The following HECW2 variants were observed in gnomAD, a reference collection of about 807,000 sequenced individuals.
The protein encoded by HECW2 is E3 ubiquitin-protein ligase HECW2.
HECW2 carries 61 observed loss-of-function variants against 175.2 expected under a neutral mutation model. The observed-to-expected ratio is 0.35, with a 90% CI of 0.28 to 0.43. The LOEUF (loss-of-function observed/expected upper bound fraction) is 0.43. HECW2 is among the 20% of genes least tolerant of loss of function. The probability of loss-of-function intolerance (pLI) is 1.00; values close to 1 mark genes in which losing one functional copy is unlikely to be tolerated. For synonymous variants in HECW2, 671 were observed against 731.0 expected (o/e 0.92, Z 1.32); for missense variants, 1,524 against 2,000.5 (o/e 0.76, Z 4.54).
intron 2 of HECW2, among the ~76,000 whole-genome samples, chr2:196,378,009 C>T (rs1315055603): frequency 6.6e-6 from 1 of 152,216 alleles, no homozygotes; most frequent in African/African-American, 2.4e-5. Flanking sequence ...ACTGTTAAAT[C>T]TGTGTTCAGA....
At chr2:196,276,125 A>G (rs185779187) in intron 15 of HECW2, among the ~76,000 whole-genome samples, 124 of 152,346 alleles carry the variant, frequency 8.1e-4, no homozygotes, top group Non-Finnish European at 1.5e-3. Flanking sequence ...CAGAAAAGCC[A>G]AAGGTCTTCT....
At chr2:196,582,069 A>AAATAATAATAATAATAATAATAAT (rs572551572) in intron 1 of HECW2, among the ~76,000 whole-genome samples, 3,621 of 150,218 alleles carry the variant, frequency 0.024, 154 homozygotes, top group African/African-American at 0.085. Flanking sequence ...CCATCTCGAA[A>AAATAATAATAATAATAATAATAAT]AATAATAATA....
In HECW2 at chr2:196,307,095, T is replaced by C. The variant is rs774479366; in HGVS notation, c.2689+35A>G. On this transcript the variant is annotated intron_variant, in intron 12 of 28. Transcript: ENST00000644978. ...CCTTATTTGCTTCTTTTTCCACTTT[T>C]ATGAAATTACAAAAACAAAGCCCAA... 1.0e-5 allele frequency: 15 copies of C among 1,434,664 alleles called. No homozygotes were observed. The East Asian group carries it at 3.0e-4, about 28-fold the overall frequency. The allele number at this position is 1,434,664 out of a possible 1,614,324, so 88.9% of individuals were successfully genotyped here.
rs1686616581 is a variant in HECW2 at position 196,194,157 on chromosome 2, A to C, written c.*7120T>G. 6.6e-6 allele frequency: 1 copy of C among 152,052 alleles called. No homozygotes were observed. The highest frequency in any genetic ancestry group is 2.1e-4 in the South Asian group (1 of 4,830). 9.4% of individuals were successfully genotyped at this position (152,052 alleles called of 1,614,324 possible). On this transcript the variant is annotated 3_prime_UTR_variant, in exon 29 of 29. Coordinates refer to ENST00000644978, the MANE Select transcript of HECW2 (RefSeq NM_001348768.2). ...ACAGTAAAATATTCTTGTAGGGATA[A>C]ACAAAGTAGATTCCAAACAAAATAA... is the stretch of plus-strand genomic sequence containing the variant.
intron 1 of HECW2, among the ~76,000 whole-genome samples, chr2:196,484,379 C>A (rs1686936256): frequency 6.6e-6 from 1 of 152,126 alleles, no homozygotes; most frequent in Admixed American, 6.5e-5. Context: ...TAAGGTTTTT[C>A]TTTAGAATTT....
intron 28 of HECW2, among the ~76,000 whole-genome samples, chr2:196,214,375 C>A (rs1233101310): frequency 6.6e-6 from 1 of 152,198 alleles, no homozygotes; most frequent in Non-Finnish European, 1.5e-5. Flanking sequence ...ATTCCATATA[C>A]TTTAGTGGCT....
At chr2:196,375,747 T>C (rs1308710235) in intron 2 of HECW2, among the ~76,000 whole-genome samples, 12 of 152,252 alleles carry the variant, frequency 7.9e-5, no homozygotes, top group Admixed American at 5.9e-4. Flanking sequence ...AGAAACATCA[T>C]CTATTTCAAT....
At chr2:196,217,965 G>T (rs896657432) in intron 26 of HECW2, 2 of 152,320 alleles carry the variant, frequency 1.3e-5, no homozygotes, top group Admixed American at 1.3e-4. Flanking sequence ...TGTAGGATTT[G>T]GGAGGAATCT....
chr2:196,276,000 T>C (rs1869795), intron 15 of HECW2, among the ~76,000 whole-genome samples: 140,357 of 152,260 alleles, frequency 0.92, 65,069 homozygotes, highest in East Asian at 0.98. Context: ...AATACAGCTA[T>C]TCTCTGGGGA....
At chr2:196,237,588 A>C (rs531837855) in intron 21 of HECW2, among the ~76,000 whole-genome samples, 28 of 152,214 alleles carry the variant, frequency 1.8e-4, no homozygotes, top group African/African-American at 5.5e-4. Flanking sequence ...CTATCCACTC[A>C]TTGATTGATG....
At chr2:196,254,269 T>C (rs1455510499) in intron 18 of HECW2, among the ~76,000 whole-genome samples, 2 of 152,210 alleles carry the variant, frequency 1.3e-5, no homozygotes, top group African/African-American at 4.8e-5. Flanking sequence ...TATTTTACTA[T>C]TTCAACATAT....
At chr2:196,436,650 T>C (rs1175902295) in intron 1 of HECW2, among the ~76,000 whole-genome samples, 2 of 152,100 alleles carry the variant, frequency 1.3e-5, no homozygotes, top group Non-Finnish European at 2.9e-5. Flanking sequence ...AATGTGTGAA[T>C]CTGCTAGCTT....
chr2:196,479,902 A>G (rs532435257), intron 1 of HECW2, among the ~76,000 whole-genome samples: 1 of 152,276 alleles, frequency 6.6e-6, no homozygotes, highest in South Asian at 2.1e-4. Flanking sequence ...AACTACTTCT[A>G]CTGTCTTCAA....
chr2:196,205,068 T>C (rs1490797404), intron 28 of HECW2, among the ~76,000 whole-genome samples: 3 of 152,244 alleles, frequency 2.0e-5, no homozygotes, highest in East Asian at 3.8e-4. Context: ...TACTAATCCA[T>C]AATCTAAGGC....
intron 2 of HECW2, among the ~76,000 whole-genome samples, chr2:196,369,751 C>T (rs1247443200): frequency 6.6e-6 from 1 of 152,010 alleles, no homozygotes; most frequent in East Asian, 1.9e-4. Flanking sequence ...AAAGTCCTTC[C>T]ACTCTGCCCT....
At chr2:196,415,999 TA>T in intron 2 of HECW2, among the ~76,000 whole-genome samples, 1 of 152,348 alleles carries the variant, frequency 6.6e-6, no homozygotes, top group Non-Finnish European at 1.5e-5. Context: ...TAATTTCTCA[TA>T]AAAATAAGAA....
intron 2 of HECW2, among the ~76,000 whole-genome samples, chr2:196,385,961 TTCTTC>T: frequency 6.6e-6 from 1 of 150,924 alleles, no homozygotes; most frequent in East Asian, 1.9e-4. Context: ...TATCTAGAAC[TTCTTC>T]CTATTAACAT....
chr2:196,202,222 A>ATTTTT (rs1686884180), intron 28 of HECW2, among the ~76,000 whole-genome samples: 2 of 151,990 alleles, frequency 1.3e-5, no homozygotes, highest in Non-Finnish European at 2.9e-5. Context: ...ACTTTGACTT[A>ATTTTT]AAAAAAATAC....
intron 2 of HECW2, among the ~76,000 whole-genome samples, chr2:196,405,185 C>G (rs1694934804): frequency 6.6e-6 from 1 of 152,012 alleles, no homozygotes; most frequent in Non-Finnish European, 1.5e-5. Context: ...CCACTGTACT[C>G]CCCTGGAAAA....
Sources: allele counts gnomAD v4.1 joint callset (sites outside exome capture counted in the v4.1 genomes callset), GRCh38; gene constraint gnomAD v4.1.1; transcripts MANE v1.5; gene names NCBI Gene and HGNC (gene_info 2026-07-23, HGNC 2026-07-21).